OR51B5: variants seen among roughly 807,000 people sequenced by gnomAD.
OR51B5 encodes olfactory receptor family 51 subfamily B member 5, also known as olfactory receptor 51B5.
For missense variants in OR51B5, 456 were observed against 374.6 expected, an observed-to-expected ratio of 1.22 and a Z score of -1.79; for synonymous variants, 186 against 144.8, an observed-to-expected ratio of 1.28 and a Z score of -2.04.
intron 1 of OR51B5, among the ~76,000 whole-genome samples, chr11:5,349,258 A>G (rs565341533): frequency 6.6e-6 from 1 of 151,812 alleles, no homozygotes; most frequent in Admixed American, 6.6e-5. Context: ...AGACAAGACA[A>G]ACAGCTATTT....
chr11:5,367,397 A>G (rs902406604), intron 1 of OR51B5, among the ~76,000 whole-genome samples: 1 of 152,158 alleles, frequency 6.6e-6, no homozygotes, highest in South Asian at 2.1e-4. Flanking sequence ...CTGGTTGCCC[A>G]TTTTTATGGT....
chr11:5,434,824 C>T (rs142099548), intron 1 of OR51B5, among the ~76,000 whole-genome samples: 1,669 of 152,256 alleles, frequency 0.011, 25 homozygotes, highest in African/African-American at 0.035. Flanking sequence ...AGTGGCTGAT[C>T]TGGGACTAGA....
intron 1 of OR51B5, among the ~76,000 whole-genome samples, chr11:5,397,261 A>G (rs1029277758): frequency 5.9e-5 from 9 of 152,224 alleles, no homozygotes; most frequent in Non-Finnish European, 1.2e-4. Flanking sequence ...ATCAGAGTGA[A>G]CAGGCAACCT....
rs148782716 is a variant in OR51B5 at position 5,440,635 on chromosome 11, A to C, written n.84+64934T>G. The stretch of plus-strand genomic sequence containing the variant: ...CGGATCTCCTTGGTTTTCACACTGT[A>C]GATGATAGGGTTGAGCATGGGTGGT... On this transcript the variant is annotated intron_variant and non_coding_transcript_variant, in intron 1 of 4. Coordinates refer to the OR51B5 transcript ENST00000415970. 275 of 1,613,898 alleles carry C rather than the reference A, an allele frequency of 1.7e-4. 1 individual carries two copies. In the African/African-American group the frequency reaches 3.4e-3, roughly 20 times the overall value.
chr11:5,383,203 G>A (rs935287582), intron 1 of OR51B5, among the ~76,000 whole-genome samples: 9 of 152,154 alleles, frequency 5.9e-5, no homozygotes, highest in Non-Finnish European at 1.3e-4. Context: ...TGCATTCAAA[G>A]ATGAAGTAGA....
At chr11:5,384,145 T>C (rs1849650352) in intron 1 of OR51B5, among the ~76,000 whole-genome samples, 2 of 152,182 alleles carry the variant, frequency 1.3e-5, no homozygotes, top group Admixed American at 1.3e-4. Context: ...AATGGGATTT[T>C]TTTTTCTTTG....
At chr11:5,483,611 T>C (rs1322168992) in intron 1 of OR51B5, among the ~76,000 whole-genome samples, 1 of 150,378 alleles carries the variant, frequency 6.6e-6, no homozygotes, top group African/African-American at 2.4e-5. Flanking sequence ...GAGATCAGAA[T>C]AGAGGAAAAG....
chr11:5,439,224 G>A (rs1195501238), intron 1 of OR51B5, among the ~76,000 whole-genome samples: 3 of 152,082 alleles, frequency 2.0e-5, no homozygotes, highest in African/African-American at 7.2e-5. Context: ...GGGAAAAGAA[G>A]GAAAGCACAA....
chr11:5,479,712 CT>C (rs1357377057), intron 1 of OR51B5, among the ~76,000 whole-genome samples: 17 of 148,898 alleles, frequency 1.1e-4, no homozygotes. Flanking sequence ...GGTTGCAATC[CT>C]AGTCTCTGAT....
intron 1 of OR51B5, among the ~76,000 whole-genome samples, chr11:5,378,704 T>TG (rs1849565931): frequency 1.3e-5 from 2 of 152,002 alleles, no homozygotes; most frequent in African/African-American, 4.8e-5. Flanking sequence ...AAAAGACACA[T>TG]GAAAAAATGC....
intron 1 of OR51B5, among the ~76,000 whole-genome samples, chr11:5,382,580 T>C (rs1215594091): frequency 6.6e-6 from 1 of 152,226 alleles, no homozygotes; most frequent in Non-Finnish European, 1.5e-5. Context: ...AAAATCATGT[T>C]CTTAATAAAT....
At chr11:5,425,495 C>G (rs189191564) in intron 1 of OR51B5, among the ~76,000 whole-genome samples, 1 of 152,148 alleles carries the variant, frequency 6.6e-6, no homozygotes, top group Non-Finnish European at 1.5e-5. Flanking sequence ...TTGAGATAAA[C>G]TGTTTATTGT....
chr11:5,441,691 G>A (rs1181521816), intron 1 of OR51B5, among the ~76,000 whole-genome samples: 4 of 152,136 alleles, frequency 2.6e-5, no homozygotes, highest in African/African-American at 9.7e-5. Context: ...CTAATCGTTT[G>A]TGTACCACCA....
At chr11:5,356,344 G>T (rs1849194890) in intron 1 of OR51B5, among the ~76,000 whole-genome samples, 1 of 151,974 alleles carries the variant, frequency 6.6e-6, no homozygotes, top group African/African-American at 2.4e-5. Flanking sequence ...AGACTCAGTA[G>T]CTGATTCGAT....
upstream of OR51B5, among the ~76,000 whole-genome samples, chr11:5,345,408 A>G (rs1848976143): frequency 6.6e-6 from 1 of 152,108 alleles, no homozygotes; most frequent in South Asian, 2.1e-4. Context: ...AGACAGATGC[A>G]TTTTTGAAGT....
intron 1 of OR51B5, among the ~76,000 whole-genome samples, chr11:5,404,590 T>G (rs560591948): frequency 6.6e-6 from 1 of 152,254 alleles, no homozygotes; most frequent in African/African-American, 2.4e-5. Flanking sequence ...AATAAGGGAA[T>G]AAAAGCTGGC....
intron 1 of OR51B5, chr11:5,422,128 A>G: frequency 8.4e-7 from 1 of 1,197,054 alleles, no homozygotes; most frequent in Non-Finnish European, 1.2e-6. Flanking sequence ...AAATGGGGCA[A>G]AGAGATATTA....
intron 1 of OR51B5, among the ~76,000 whole-genome samples, chr11:5,479,343 A>G (rs947558335): frequency 1.8e-4 from 28 of 151,584 alleles, no homozygotes; most frequent in African/African-American, 6.8e-4. Flanking sequence ...GTCTGCCCTA[A>G]AAGAGCTCCT....
rs118080487 is a variant in OR51B5, at chr11:5,353,356, C to T, written n.85-6446G>A. On this transcript the variant is annotated intron_variant and non_coding_transcript_variant, in intron 1 of 4. Transcript: ENST00000415970. ...CCAGTTACTACTGAACAGAGAGATGCATTTTCATAAAGTGGTATGAGAGGT... is the reference window on the plus strand; with the variant it reads ...CCAGTTACTACTGAACAGAGAGATGTATTTTCATAAAGTGGTATGAGAGGT... Among the ~76,000 whole-genome samples, 192 of 152,158 alleles carry T rather than the reference C, an allele frequency of 1.3e-3. 3 individuals are homozygous for T. In the East Asian group the frequency reaches 0.033, roughly 26 times the overall value.
Sources: allele counts gnomAD v4.1 joint callset (sites outside exome capture counted in the v4.1 genomes callset), GRCh38; gene constraint gnomAD v4.1.1; transcripts MANE v1.5; gene names NCBI Gene and HGNC (gene_info 2026-07-23, HGNC 2026-07-21).